The following SNPH variants were observed in gnomAD, a reference collection of about 807,000 sequenced individuals.
SNPH encodes syntaphilin.
A neutral mutation model predicts 36.8 loss-of-function variants in SNPH; 10 were observed. That is an observed-to-expected ratio of 0.27 (90% CI 0.17 to 0.46). The LOEUF (loss-of-function observed/expected upper bound fraction) is 0.46. Ranked by LOEUF, SNPH falls within the 20% of genes least tolerant of loss-of-function variation. SNPH has a pLI of 1.00. For synonymous variants in SNPH, 281 were observed against 312.2 expected, an observed-to-expected ratio of 0.90 and a Z score of 1.05; for missense variants, 622 against 744.0, an observed-to-expected ratio of 0.84 and a Z score of 1.91.
intron 3 of SNPH, among the ~76,000 whole-genome samples, chr20:1,295,431 C>T (rs887811637): frequency 2.6e-5 from 4 of 152,200 alleles, no homozygotes; most frequent in Non-Finnish European, 4.4e-5. Flanking sequence ...TAGGCACGAA[C>T]GCTTCCTCCT....
At chr20:1,298,087 T>A (rs1457962934) in intron 5 of SNPH, among the ~76,000 whole-genome samples, 30 of 152,230 alleles carry the variant, frequency 2.0e-4, no homozygotes. Context: ...GGCCTTGTCC[T>A]GCTTCCCCAG....
intron 2 of SNPH, among the ~76,000 whole-genome samples, chr20:1,282,208 A>T (rs1443215302): frequency 6.6e-6 from 1 of 152,242 alleles, no homozygotes; most frequent in Non-Finnish European, 1.5e-5. Context: ...TCGACCCTAT[A>T]AATCCATTAT....
chr20:1,300,717 CGGG>C lies in SNPH; in HGVS notation c.440+7_440+9del. 6.2e-7 allele frequency: 1 copy of C among 1,607,428 alleles called. No individual in the cohort carries two copies. Among genetic ancestry groups the C allele is most frequent in the Non-Finnish European group, 8.5e-7 (1 of 1,177,840 alleles). The stretch of plus-strand genomic sequence containing the variant: ...CAGGACCGGCTCCAGGACCGGTGAG[CGGG>C]TGGCCACGAGCAGCCCTGGGGGTAC... On this transcript the variant is annotated splice_region_variant and intron_variant, in intron 6 of 6. Transcript: ENST00000381867.
intron 4 of SNPH, 109 bp from the exon 5 acceptor site, chr20:1,297,036 G>A: frequency 1.4e-6 from 2 of 1,469,956 alleles, no homozygotes; most frequent in Non-Finnish European, 1.8e-6. Flanking sequence ...CCCCTGTGGT[G>A]ACCCCAAAGC....
rs1414736818 is a variant in SNPH, at chr20:1,266,608, C to T, written c.-599-46C>T. ...GGCTCAGCTGCCTGGGTGTTCCCCG[C>T]CCGCGCTCACCCGCCCCGGTCTATC... On this transcript the variant is annotated intron_variant, in intron 1 of 6. Coordinates refer to ENST00000381867, the MANE Select transcript of SNPH (RefSeq NM_001318234.2). This position sits in a 1 kb window ranked among gnomAD's most constrained non-coding sequence, Gnocchi z 6.0. 3 of 1,431,876 alleles carry T rather than the reference C, an allele frequency of 2.1e-6. No individual in the cohort carries two copies. The highest frequency in any genetic ancestry group is 1.5e-5 in the African/African-American group (1 of 66,502). The allele number at this position is 1,431,876 out of a possible 1,614,324, so 88.7% of individuals were successfully genotyped here.
chr20:1,303,664 C>CA (rs1329933458), intron 6 of SNPH, among the ~76,000 whole-genome samples: 6 of 152,314 alleles, frequency 3.9e-5, no homozygotes, highest in African/African-American at 1.4e-4. Context: ...TGCATCCCCT[C>CA]AGCCCCCAGT....
At chr20:1,275,863 C>T (rs2088125346) in intron 2 of SNPH, among the ~76,000 whole-genome samples, 1 of 152,198 alleles carries the variant, frequency 6.6e-6, no homozygotes, top group Non-Finnish European at 1.5e-5. Flanking sequence ...TTCCTCCCTG[C>T]CATTCCTTTC....
At chr20:1,300,063 C>A (rs897652356) in intron 5 of SNPH, among the ~76,000 whole-genome samples, 3 of 152,190 alleles carry the variant, frequency 2.0e-5, no homozygotes, top group Admixed American at 2.0e-4. Flanking sequence ...GCAGACCCAG[C>A]ATCTGCCACT....
At chr20:1,277,910 TGTGTGTGCCTGTGTGTGTCTGC>T (rs1446580845) in intron 2 of SNPH, among the ~76,000 whole-genome samples, 38 of 148,938 alleles carry the variant, frequency 2.6e-4, no homozygotes, top group African/African-American at 8.0e-4. Context: ...TATCTGTGTG[TGTGTGTGCCTGTGTGTGTCTGC>T]GTGTGTGCCT....
rs2088134273 is a variant in SNPH, at chr20:1,276,557, C to T, written c.-493+9797C>T. The stretch of plus-strand genomic sequence containing the variant: ...AATCATAACGTAGGCCTCCTGACAG[C>T]AAAGCTGGCATGAGAATTAAACTAG... On this transcript the variant is annotated intron_variant, in intron 2 of 6. Coordinates refer to ENST00000381867, the MANE Select transcript of SNPH (RefSeq NM_001318234.2). The surrounding 1 kb of genome is among the most constrained non-coding windows in gnomAD (Gnocchi z 4.6). 6.6e-6 allele frequency among the ~76,000 whole-genome samples: 1 copy of T among 152,154 alleles called. No individual in the cohort carries two copies. The highest frequency in any genetic ancestry group is 1.5e-5 in the Non-Finnish European group (1 of 68,024).
chr20:1,305,903 G>T lies in SNPH; in HGVS notation c.1466G>T (p.Arg489Leu). 6.3e-7 allele frequency: 1 copy of T among 1,596,352 alleles called. No individual in the cohort carries two copies. Among genetic ancestry groups the T allele is most frequent in the Non-Finnish European group, 8.5e-7 (1 of 1,171,882 alleles). Residue 489 changes from arginine to leucine, a missense_variant, in exon 7 of 7, where the codon CGC becomes CTC. Coordinates refer to ENST00000381867, the MANE Select transcript of SNPH (RefSeq NM_001318234.2). ...PAVPTVAWLC[R>L]SQRRQGQPIY... The stretch of plus-strand genomic sequence containing the variant: ...GTGCCCACGGTGGCCTGGCTTTGCC[G>T]CTCCCAGCGGCGCCAGGGCCAGCCC...
intron 2 of SNPH, among the ~76,000 whole-genome samples, chr20:1,293,862 G>A (rs2088394622): frequency 6.6e-6 from 1 of 152,152 alleles, no homozygotes; most frequent in Admixed American, 6.5e-5. Context: ...GGGACAGCTG[G>A]GACAAGGCCC....
In SNPH at chr20:1,305,333, C is replaced by G. The variant is rs373433553; in HGVS notation, c.896C>G (p.Thr299Arg). 4.3e-6 allele frequency: 7 copies of G among 1,610,652 alleles called. No individual in the cohort carries two copies. Among genetic ancestry groups the G allele is most frequent in the South Asian group, 2.2e-5 (2 of 90,922 alleles). ...GCAGCCGATGACACACTGAGCCGGA[C>G]GGACGCGCTGGAAGCCAGCAGCCTG... is the stretch of plus-strand genomic sequence containing the variant. ...FAAADDTLSR[T>R]DALEASSLLS... is the part of the protein sequence containing the mutation. The change falls in exon 7 of 7, where the codon ACG (threonine) becomes AGG (arginine). Residue 299 changes from threonine to arginine, a missense_variant. Coordinates refer to ENST00000381867, the MANE Select transcript of SNPH (RefSeq NM_001318234.2).
In SNPH at chr20:1,309,086, G is replaced by GCA. The variant is rs1363256648; in HGVS notation, c.*3032_*3033insCA. On this transcript the variant is annotated 3_prime_UTR_variant, in exon 7 of 7. Transcript: ENST00000381867. ...GGTGGGACAAACTGCAAGGTTCTGGGGCCAAGGCCTACCCAGGGGCCTCTG... is the reference window on the plus strand; with the variant it reads ...GGTGGGACAAACTGCAAGGTTCTGGGCAGCCAAGGCCTACCCAGGGGCCTCTG... 2.0e-5 allele frequency: 3 copies of GCA among 152,372 alleles called. No individual in the cohort carries two copies. The highest frequency in any genetic ancestry group is 7.2e-5 in the African/African-American group (3 of 41,402). 9.4% of individuals were successfully genotyped at this position (152,372 alleles called of 1,614,324 possible).
chr20:1,300,959 C>A (rs992745745), intron 6 of SNPH, among the ~76,000 whole-genome samples: 14 of 152,244 alleles, frequency 9.2e-5, no homozygotes, highest in African/African-American at 3.1e-4. Flanking sequence ...GAGGGCCTGT[C>A]CTGTGGGGCC....
At chr20:1,289,521 ACACACACACACACACACAC>A (rs2088327897) in intron 2 of SNPH, among the ~76,000 whole-genome samples, 1 of 70,894 alleles carries the variant, frequency 1.4e-5, no homozygotes, top group Non-Finnish European at 3.4e-5. Flanking sequence ...ATACACACAC[ACACACACACACACACACAC>A]ACACACACAC....
Position 1,266,686 on chromosome 20 carries a change from G to T in SNPH, c.-567G>T, listed in dbSNP as rs2088008912. On this transcript the variant is annotated 5_prime_UTR_variant, in exon 2 of 7. Transcript: ENST00000381867. The surrounding 1 kb of genome is among the most constrained non-coding windows in gnomAD (Gnocchi z 6.0). ...ATCAGGGCCAGGCGGCTGCAGCAGCGACTGCAGAGGCGCTGCGCCAAGCCG... is the reference window on the plus strand; with the variant it reads ...ATCAGGGCCAGGCGGCTGCAGCAGCTACTGCAGAGGCGCTGCGCCAAGCCG... The T allele has an allele frequency of 6.8e-7, 1 of 1,467,970 alleles. No individual in the cohort carries two copies. Among genetic ancestry groups the T allele is most frequent in the South Asian group, 1.4e-5 (1 of 73,718 alleles). The allele number at this position is 1,467,970 out of a possible 1,614,324, so 90.9% of individuals were successfully genotyped here. A position where few individuals can be genotyped will look rare whatever the true frequency, so the allele number is the denominator to read the frequency against.
chr20:1,296,232 G>A lies in SNPH; in HGVS notation c.-8G>A. 1 of 1,512,388 alleles carries A rather than the reference G, an allele frequency of 6.6e-7. No homozygotes were observed. The highest frequency in any genetic ancestry group is 8.8e-7 in the Non-Finnish European group (1 of 1,132,480). 93.7% of individuals were successfully genotyped at this position (1,512,388 alleles called of 1,614,324 possible). A position where few individuals can be genotyped will look rare whatever the true frequency, so the allele number is the denominator to read the frequency against. ...GGGGTGTCCTGCCGAAGGGTGAGAA[G>A]AGAAGCCATGCCGGGCAGCGGCCCC... is the stretch of plus-strand genomic sequence containing the variant. On this transcript the variant is annotated 5_prime_UTR_variant, in exon 4 of 7. Transcript: ENST00000381867.
chr20:1,283,572 A>T (rs1322614458), intron 2 of SNPH, among the ~76,000 whole-genome samples: 1 of 152,238 alleles, frequency 6.6e-6, no homozygotes, highest in Non-Finnish European at 1.5e-5. Context: ...CAAGCCAGAA[A>T]ACATGGATTT....
Sources: gnomAD v4.1 joint callset for allele counts (sites outside exome capture counted in the v4.1 genomes callset) on GRCh38, gnomAD v4.1.1 for gene constraint, Gnocchi (gnomAD v3.1) non-coding constraint, MANE v1.5 for transcripts, NCBI Gene and HGNC (gene_info 2026-07-23, HGNC 2026-07-21) for gene names.